The following CA7 variants were observed in gnomAD, a reference collection of about 807,000 sequenced individuals.
CA7 encodes the protein carbonate dehydratase VII.
In CA7, 13 loss-of-function variants were observed where a neutral mutation model predicts 31.4. The observed-to-expected ratio is 0.41, with a 90% CI of 0.27 to 0.66. The LOEUF (loss-of-function observed/expected upper bound fraction) is 0.66. Among genes scored for constraint, CA7 ranks in the 30% least tolerant of loss-of-function variants. The pLI is 0.28. For missense variants in CA7, 215 were observed against 351.0 expected, an observed-to-expected ratio of 0.61 and a Z score of 3.10; for synonymous variants, 128 against 133.2, an observed-to-expected ratio of 0.96 and a Z score of 0.27.
chr16:66,847,872 C>T (rs1272778735), intron 2 of CA7, among the ~76,000 whole-genome samples: 1 of 152,124 alleles, frequency 6.6e-6, no homozygotes, highest in African/African-American at 2.4e-5. Context: ...GCCTCTTTGC[C>T]CTGGGATTAG....
At chr16:66,850,438 C>G (rs1961015717) in intron 2 of CA7, 103 bp from the exon 3 acceptor site, 1 of 748,116 alleles carries the variant, frequency 1.3e-6, no homozygotes, top group South Asian at 1.4e-5. Context: ...GAGACCCTGA[C>G]TCAAAAAAAA....
intron 2 of CA7, 67 bp downstream of exon 2, chr16:66,847,294 G>T: frequency 1.4e-6 from 2 of 1,426,232 alleles, no homozygotes; most frequent in Non-Finnish European, 9.8e-7. Flanking sequence ...CTTGTGTTGG[G>T]CAGTCTCAGG....
In CA7 at chr16:66,852,703, T is replaced by G; in HGVS notation, c.517-9T>G. 2 of 1,610,440 alleles carry G rather than the reference T, an allele frequency of 1.2e-6. No individual in the cohort carries two copies. On this transcript the variant is annotated splice_polypyrimidine_tract_variant and intron_variant, in intron 5 of 6. Transcript: ENST00000338437. ...ATGCTGATTCCTGGGTTCCTCCACC[T>G]TGTTCCAGGGCACCAAAGCCCAGTT...
intron 1 of CA7, among the ~76,000 whole-genome samples, chr16:66,846,437 C>G (rs964226974): frequency 6.6e-6 from 1 of 152,126 alleles, no homozygotes; most frequent in Non-Finnish European, 1.5e-5. Flanking sequence ...ATTGGGAGGG[C>G]AGCTGGGGGC....
rs140842882 is a variant in CA7 at position 66,852,897 on chromosome 16, G to T, written c.672+30G>T. On this transcript the variant is annotated intron_variant, in intron 6 of 6. Coordinates refer to ENST00000338437, the MANE Select transcript of CA7 (RefSeq NM_005182.3). ...GTCCTCTCAGAGGACCAGATGGAGG[G>T]ACATGGCACTCAGGGCTCACCCCAG... is the stretch of plus-strand genomic sequence containing the variant. 7.7e-3 allele frequency: 12,289 copies of T among 1,602,464 alleles called. 62 individuals carry two copies. Among genetic ancestry groups the T allele is most frequent in the Non-Finnish European group, 9.3e-3 (10,955 of 1,172,232 alleles).
intron 2 of CA7, among the ~76,000 whole-genome samples, 156 bp from the exon 3 acceptor site, chr16:66,850,385 A>C (rs1317348586): frequency 1.3e-5 from 2 of 152,088 alleles, no homozygotes; most frequent in African/African-American, 4.8e-5. Flanking sequence ...AGGCTATCAT[A>C]AGCCATGTTT....
Position 66,844,436 on chromosome 16 carries a change from C to A in CA7, c.-52C>A, listed in dbSNP as rs918224883. The A allele has an allele frequency of 3.3e-5, 49 of 1,484,376 alleles. No individual in the cohort carries two copies. The highest frequency in any genetic ancestry group is 4.3e-5 in the Non-Finnish European group (48 of 1,104,706). The allele number at this position is 1,484,376 out of a possible 1,614,324, so 92.0% of individuals were successfully genotyped here. ...AGCGGGGCCGGAGCCGCAGCCCGAA[C>A]GAGCGGACCGAGCCGACCGGGCAGG... is the stretch of plus-strand genomic sequence containing the variant. On this transcript the variant is annotated 5_prime_UTR_variant, in exon 1 of 7. Transcript: ENST00000338437.
Position 66,847,214 on chromosome 16 carries a change from C to A in CA7, c.225C>A (p.Ser75Arg), listed in dbSNP as rs778926555. Residue 75 changes from serine to arginine, a missense_variant, in exon 2 of 7, where the codon AGC (serine) becomes AGA (arginine). Ser to Arg is a moderately radical substitution (Grantham distance 110). Coordinates refer to ENST00000338437, the MANE Select transcript of CA7 (RefSeq NM_005182.3). Reference protein sequence around the residue: ...GHSVQVDFNDSDDRTVVTGGP... With the variant: ...GHSVQVDFNDRDDRTVVTGGP... ...CTGTCCAGGTAGACTTCAATGACAG[C>A]GATGACCGAACCGGTAAGTGGCCCC... 1 of 1,614,154 alleles carries A rather than the reference C, an allele frequency of 6.2e-7. No homozygotes were observed. Among genetic ancestry groups the A allele is most frequent in the Admixed American group, 1.7e-5 (1 of 60,022 alleles).
In CA7 at chr16:66,847,094, C is replaced by A. The variant is rs1400440116; in HGVS notation, c.105C>A (p.Ile35=). The A allele has an allele frequency of 1.9e-6, 3 of 1,614,196 alleles. No individual in the cohort carries two copies. The highest frequency in any genetic ancestry group is 2.5e-6 in the Non-Finnish European group (3 of 1,180,014). The part of the protein sequence containing the change: ...AQGDRQSPIN[I]ISSQAVYSPS... ...GAGATCGCCAATCACCCATCAATAT[C>A]ATCTCCAGCCAGGCTGTGTACTCTC... Residue 35 remains isoleucine, a synonymous_variant, in exon 2 of 7, where the codon ATC becomes ATA. Coordinates refer to ENST00000338437, the MANE Select transcript of CA7 (RefSeq NM_005182.3).
rs201012946 is a variant in CA7, at chr16:66,851,692, G to C, written c.482G>C (p.Arg161Pro). 2 of 1,614,102 alleles carry C rather than the reference G, an allele frequency of 1.2e-6. No individual in the cohort carries two copies. The highest frequency in any genetic ancestry group is 3.3e-5 in the Admixed American group (2 of 60,002). The change falls in exon 5 of 7, where the codon CGT (arginine) becomes CCT (proline). Residue 161 changes from arginine (R) to proline (P), a missense_variant. Transcript: ENST00000338437. ...GGAGACGAGCACCCCAGCATGAATC[G>C]TCTGACAGATGCGCTCTACATGGTC... ...ETGDEHPSMN[R>P]LTDALYMVRF...
At chr16:66,850,711 GC>G (rs1433461656) in intron 3 of CA7, 52 bp downstream of exon 3, 5 of 1,330,086 alleles carry the variant, frequency 3.8e-6, no homozygotes, top group Non-Finnish European at 4.3e-6. Context: ...AGGAACGCAG[GC>G]CTGGGTAGTC....
chr16:66,847,408 C>T (rs1196317105), intron 2 of CA7, among the ~76,000 whole-genome samples, 181 bp downstream of exon 2: 1 of 152,210 alleles, frequency 6.6e-6, no homozygotes, highest in Non-Finnish European at 1.5e-5. Flanking sequence ...ATAAGACCTA[C>T]CCTCTTAGGT....
At chr16:66,847,671 G>T (rs760126692) in intron 2 of CA7, among the ~76,000 whole-genome samples, 1 of 152,116 alleles carries the variant, frequency 6.6e-6, no homozygotes, top group Non-Finnish European at 1.5e-5. Flanking sequence ...GTCACAAGCC[G>T]CTCATTTATT....
At chr16:66,852,669 G>C in intron 5 of CA7, 43 bp from the exon 6 acceptor site, 1 of 1,490,706 alleles carries the variant, frequency 6.7e-7, no homozygotes, top group Non-Finnish European at 9.0e-7. Context: ...TGGTCCCAGT[G>C]GGAGGTCTAT....
At chr16:66,850,962 T>A (rs561691601) in intron 3 of CA7, among the ~76,000 whole-genome samples, 1 of 152,258 alleles carries the variant, frequency 6.6e-6, no homozygotes, top group South Asian at 2.1e-4. Flanking sequence ...CATGAACTGA[T>A]CTTGCCTGGC....
chr16:66,850,077 G>GCC (rs1422010789), intron 2 of CA7, among the ~76,000 whole-genome samples: 3 of 145,550 alleles, frequency 2.1e-5, no homozygotes, highest in Non-Finnish European at 4.5e-5. Context: ...CTGAGATTGT[G>GCC]CCACCACTGT....
intron 5 of CA7, 148 bp from the exon 6 acceptor site, chr16:66,852,564 A>AAGAG: frequency 1.8e-6 from 1 of 542,216 alleles, no homozygotes; most frequent in Non-Finnish European, 2.9e-6. Context: ...GAAAGAAAGA[A>AAGAG]AGAAAAAGAA....
intron 1 of CA7, among the ~76,000 whole-genome samples, chr16:66,845,950 C>T (rs1960920018): frequency 6.6e-6 from 1 of 152,190 alleles, no homozygotes; most frequent in Admixed American, 6.5e-5. Context: ...CCCAGAGGGG[C>T]CGGGCCACGA....
At chr16:66,847,307 G>A in intron 2 of CA7, 80 bp downstream of exon 2, 1 of 1,281,836 alleles carries the variant, frequency 7.8e-7, no homozygotes. Flanking sequence ...GTCTCAGGAA[G>A]CATGCTATGG....
Sources: gnomAD v4.1 joint callset for allele counts (sites outside exome capture counted in the v4.1 genomes callset) on GRCh38, gnomAD v4.1.1 for gene constraint, MANE v1.5 for transcripts, NCBI Gene and HGNC (gene_info 2026-07-23, HGNC 2026-07-21) for gene names.